COL17A1: variants seen among roughly 807,000 people sequenced by gnomAD.
COL17A1 encodes collagen type XVII alpha 1 chain, also known as collagen alpha-1(XVII) chain.
In COL17A1, 181 loss-of-function variants were observed where a neutral mutation model predicts 218.4. That is an observed-to-expected ratio of 0.83 (90% CI 0.73 to 0.94). COL17A1 has a LOEUF of 0.94. COL17A1 is among the 40% of genes least tolerant of loss of function. COL17A1 has a pLI of 0.00. For synonymous variants in COL17A1, 721 were observed against 731.0 expected, an observed-to-expected ratio of 0.99 and a Z score of 0.22; for missense variants, 1,924 against 1,945.9, an observed-to-expected ratio of 0.99 and a Z score of 0.21.
Position 104,045,316 on chromosome 10 carries a change from A to G in COL17A1, c.2398+442T>C, listed in dbSNP as rs371013852. On this transcript the variant is annotated intron_variant, in intron 33 of 55. Transcript: ENST00000648076. The stretch of plus-strand genomic sequence containing the variant: ...CTCTCAGGAAGGGTCTGATGTAGCC[A>G]TTCACACCAAGGCTGATATGAATGA... Among the ~76,000 whole-genome samples the G allele has an allele frequency of 7.9e-5, 12 of 152,176 alleles. 1 individual carries two copies. In the East Asian group the frequency reaches 1.3e-3, roughly 17 times the overall value.
chr10:104,078,677 A>G (rs576758526), intron 2 of COL17A1, 91 bp from the exon 3 acceptor site: 1 of 1,544,524 alleles, frequency 6.5e-7, no homozygotes, highest in African/African-American at 1.4e-5. Context: ...CAGGCTAAGC[A>G]TATTAAATTA....
intron 9 of COL17A1, among the ~76,000 whole-genome samples, chr10:104,069,823 C>G (rs546346793): frequency 2.0e-4 from 31 of 152,258 alleles, no homozygotes; most frequent in African/African-American, 6.7e-4. Flanking sequence ...CCCAAGCTGC[C>G]AAGGTCCCTA....
In COL17A1 at chr10:104,033,011, T is replaced by C. The variant is rs777690684; in HGVS notation, c.4295-43A>G. On this transcript the variant is annotated intron_variant, in intron 53 of 55. Transcript: ENST00000648076. ...CACTGGCCTTAGAGTCTTGATCACC[T>C]GGAAGCTTGGGACATCAAGTCATTT... 9.4e-6 allele frequency: 15 copies of C among 1,600,150 alleles called. No homozygotes were observed. The Admixed American group carries it at 2.6e-4, about 28-fold the overall frequency.
intron 11 of COL17A1, among the ~76,000 whole-genome samples, chr10:104,063,203 C>G (rs914069339): frequency 6.6e-6 from 1 of 152,164 alleles, no homozygotes; most frequent in African/African-American, 2.4e-5. Flanking sequence ...AAGATGTAGG[C>G]TGGTAATATT....
intron 11 of COL17A1, chr10:104,063,397 T>A: frequency 3.0e-6 from 1 of 332,888 alleles, no homozygotes; most frequent in South Asian, 2.8e-5. Flanking sequence ...TCTATTTTTC[T>A]TTAAAAGATC....
At chr10:104,055,057 G>A in intron 19 of COL17A1, 50 bp from the exon 20 acceptor site, 1 of 1,612,636 alleles carries the variant, frequency 6.2e-7, no homozygotes. Context: ...GAACCCAAAG[G>A]CCATACTCTG....
Position 104,034,225 on chromosome 10 carries a change from G to A in COL17A1, c.3876C>T (p.Ser1292=). ...CAGATGAGCTGTGTGAGGAGGAGCT[G>A]CTACCCCGACTGTGGGAGGCATCCG... is the stretch of plus-strand genomic sequence containing the variant. ...LSTDASHSRG[S]SSSSHSSSVR... is the part of the protein sequence containing the mutation. The change falls in exon 52 of 56, where the codon AGC becomes AGT. Residue 1292 remains serine, a synonymous_variant. Coordinates refer to ENST00000648076, the MANE Select transcript of COL17A1 (RefSeq NM_000494.4). 6.2e-7 allele frequency: 1 copy of A among 1,612,188 alleles called. No individual in the cohort carries two copies. Among genetic ancestry groups the A allele is most frequent in the East Asian group, 2.2e-5 (1 of 44,846 alleles).
At chr10:104,049,300 T>G (rs919059261) in intron 29 of COL17A1, 109 bp downstream of exon 29, 6 of 967,124 alleles carry the variant, frequency 6.2e-6, no homozygotes, top group African/African-American at 1.6e-5. Flanking sequence ...CTACCAGGAG[T>G]GGGCAGATTA....
chr10:104,057,232 A>T (rs937274652), intron 16 of COL17A1, 60 bp from the exon 17 acceptor site: 9 of 1,612,822 alleles, frequency 5.6e-6, no homozygotes, highest in Non-Finnish European at 7.6e-6. Flanking sequence ...TTCCCTCCAG[A>T]TTCTCTGACT....
At chr10:104,047,895 GT>G in intron 30 of COL17A1, 85 bp from the exon 31 acceptor site, 2 of 1,430,880 alleles carry the variant, frequency 1.4e-6, no homozygotes, top group Non-Finnish European at 2.0e-6. Context: ...GTTTCTGAGG[GT>G]TTTCCTAATT....
In COL17A1 at chr10:104,077,437, C is replaced by T. The variant is rs146043118; in HGVS notation, c.187G>A (p.Gly63Ser). ...EKQSLTHGSS[G>S]YINSTGSTRG... is the part of the protein sequence containing the mutation. Reference sequence around the variant, plus strand: ...GGGCACTCACTTGAGTTTATGTAGCCGCTGCTGCCATGAGTCAGGCTTTGT... The same window carrying T: ...GGGCACTCACTTGAGTTTATGTAGCTGCTGCTGCCATGAGTCAGGCTTTGT... Residue 63 changes from glycine to serine, a missense_variant, in exon 4 of 56, where the codon GGC becomes AGC. Physicochemically the swap from Gly to Ser is moderately conservative, Grantham distance 56. Coordinates refer to ENST00000648076, the MANE Select transcript of COL17A1 (RefSeq NM_000494.4). The T allele has an allele frequency of 2.4e-5, 38 of 1,612,632 alleles. No individual in the cohort carries two copies. The highest frequency in any genetic ancestry group is 1.1e-4 in the South Asian group (10 of 90,618).
intron 43 of COL17A1, 51 bp downstream of exon 43, chr10:104,039,394 C>T (rs2086334755): frequency 6.3e-7 from 1 of 1,581,580 alleles, no homozygotes; most frequent in Non-Finnish European, 8.7e-7. Context: ...GGGCTCTGGG[C>T]ACCAGGCTCA....
At chr10:104,053,439 C>T (rs1370858231) in intron 22 of COL17A1, among the ~76,000 whole-genome samples, 6 of 152,192 alleles carry the variant, frequency 3.9e-5, no homozygotes, top group Non-Finnish European at 8.8e-5. Context: ...TCGGCCCATC[C>T]CTTTGGACTT....
At chr10:104,083,559 T>C (rs1328566104) in intron 1 of COL17A1, among the ~76,000 whole-genome samples, 1 of 152,200 alleles carries the variant, frequency 6.6e-6, no homozygotes, top group Non-Finnish European at 1.5e-5. Context: ...GAAGACACAA[T>C]TTTAAATCAT....
chr10:104,032,955 A>C lies in COL17A1; in HGVS notation c.4308T>G (p.Ile1436Met), dbSNP rs1233268349. The C allele has an allele frequency of 1.2e-6, 2 of 1,614,000 alleles. No individual in the cohort carries two copies. The highest frequency in any genetic ancestry group is 4.5e-5 in the East Asian group (2 of 44,878). The change falls in exon 54 of 56, where the codon ATT becomes ATG. Residue 1436 changes from isoleucine (I) to methionine (M), a missense_variant. Transcript: ENST00000648076. ...CTCCTTTTTGCCCAGGGGGTCCTTGAATGGCTCCATAAGCTGCAAAAGCAA... is the reference window on the plus strand; with the variant it reads ...CTCCTTTTTGCCCAGGGGGTCCTTGCATGGCTCCATAAGCTGCAAAAGCAA... ...LMDFFQTYGAIQGPPGQKGEM... is the reference protein window; with the variant it reads ...LMDFFQTYGAMQGPPGQKGEM...
At position 104,041,356 on chromosome 10, in the gene COL17A1, A is replaced by T; in HGVS notation, c.2606-12T>A. The T allele has an allele frequency of 6.2e-7, 1 of 1,609,964 alleles. No individual in the cohort carries two copies. The highest frequency in any genetic ancestry group is 1.3e-5 in the African/African-American group (1 of 74,652). The stretch of plus-strand genomic sequence containing the variant: ...TGGAATGGAAGGCCCTGCAGAAGAG[A>T]GCAAGGAAGAGGCCATGCTGAGCTC... On this transcript the variant is annotated splice_polypyrimidine_tract_variant and intron_variant, in intron 37 of 55. Transcript: ENST00000648076.
chr10:104,058,154 G>C lies in COL17A1; in HGVS notation c.1259C>G (p.Thr420Ser), dbSNP rs1325997248. 1.9e-6 allele frequency: 3 copies of C among 1,614,098 alleles called. No homozygotes were observed. Among genetic ancestry groups the C allele is most frequent in the Non-Finnish European group, 2.5e-6 (3 of 1,180,050 alleles). ...TCGCGGTTCTCACCCACCTGCAGTG[G>C]TGGTCTTGCCCTTTGTGGACACAGT... ...LKTVSTKGKT[T>S]TADIHSYGSS... is the part of the protein sequence containing the mutation. Residue 420 changes from threonine (T) to serine (S), a missense_variant, in exon 16 of 56, where the codon ACC becomes AGC. Physicochemically the swap from Thr to Ser is moderately conservative, Grantham distance 58 (BLOSUM62 1). Transcript: ENST00000648076.
At chr10:104,081,771 C>T (rs1352869623) in intron 1 of COL17A1, among the ~76,000 whole-genome samples, 1 of 152,190 alleles carries the variant, frequency 6.6e-6, no homozygotes, top group Non-Finnish European at 1.5e-5. Context: ...GCTCGACTTA[C>T]CCAGTAGGCA....
At position 104,048,898 on chromosome 10, in the gene COL17A1, G is replaced by A. The variant is rs144998100; in HGVS notation, c.2227+511C>T. 8.6e-5 allele frequency among the ~76,000 whole-genome samples: 13 copies of A among 151,830 alleles called. No individual in the cohort carries two copies. In the East Asian group the frequency reaches 1.9e-3, roughly 23 times the overall value. On this transcript the variant is annotated intron_variant, in intron 29 of 55. Transcript: ENST00000648076. ...GTCACCCAGACTGTAGCGCAGTGGT[G>A]TAATCATGGCTCACTGCAGCCTCCA...
Sources: allele counts gnomAD v4.1 joint callset (sites outside exome capture counted in the v4.1 genomes callset), GRCh38; gene constraint gnomAD v4.1.1; transcripts MANE v1.5; gene names NCBI Gene and HGNC (gene_info 2026-07-23, HGNC 2026-07-21).